MAGI2: variants seen among roughly 807,000 people sequenced by gnomAD.
MAGI2 encodes the protein membrane associated guanylate kinase, WW and PDZ domain containing 2, also known as membrane-associated guanylate kinase, WW and PDZ domain-containing protein 2.
Under a neutral mutation model 133.3 loss-of-function variants are expected in MAGI2, and 35 were observed. The ratio of observed to expected loss-of-function variants is 0.26; its 90% CI spans 0.20 to 0.35. The LOEUF (loss-of-function observed/expected upper bound fraction) is 0.35, where lower values mean the gene tolerates loss of function less well. Ranked by LOEUF, MAGI2 falls within the 10% of genes least tolerant of loss-of-function variation. MAGI2 has a pLI of 1.00. For synonymous variants in MAGI2, 729 were observed against 710.6 expected, an observed-to-expected ratio of 1.03 and a Z score of -0.41; for missense variants, 1,636 against 1,863.4, an observed-to-expected ratio of 0.88 and a Z score of 2.25.
intron 1 of MAGI2, among the ~76,000 whole-genome samples, chr7:79,077,398 T>C (rs1372776386): frequency 6.8e-6 from 1 of 147,506 alleles, no homozygotes; most frequent in African/African-American, 2.5e-5. Flanking sequence ...TCTAATAAAA[T>C]ACAAAAAAAA....
intron 10 of MAGI2, among the ~76,000 whole-genome samples, chr7:78,212,460 A>G (rs557341682): frequency 1.3e-5 from 2 of 152,286 alleles, no homozygotes; most frequent in African/African-American, 4.8e-5. Flanking sequence ...AGCTGCCCTG[A>G]AGATACGGGA....
chr7:79,225,281 C>T (rs1000124052), intron 1 of MAGI2, among the ~76,000 whole-genome samples: 2 of 152,220 alleles, frequency 1.3e-5, no homozygotes, highest in Admixed American at 6.5e-5. Context: ...TTTTTACATC[C>T]GAAAACACTC....
chr7:78,167,768 A>T (rs1225284827), intron 15 of MAGI2, 148 bp downstream of exon 15: 5 of 733,532 alleles, frequency 6.8e-6, no homozygotes, highest in Non-Finnish European at 1.1e-5. Context: ...TTTCAAAATC[A>T]TCATTACTTT....
chr7:78,059,777 A>ATTTT (rs10692094), intron 21 of MAGI2, among the ~76,000 whole-genome samples: 41,472 of 145,774 alleles, frequency 0.28, 6,091 homozygotes, highest in East Asian at 0.37. Flanking sequence ...ATATATATAT[A>ATTTT]TTTTTTTTCT....
At chr7:79,229,831 A>C (rs1415718065) in intron 1 of MAGI2, among the ~76,000 whole-genome samples, 2 of 151,414 alleles carry the variant, frequency 1.3e-5, no homozygotes, top group African/African-American at 4.9e-5. Context: ...TTTAGGGTAC[A>C]TGTGCACATT....
At chr7:78,931,725 A>G (rs963667530) in intron 2 of MAGI2, among the ~76,000 whole-genome samples, 13 of 152,110 alleles carry the variant, frequency 8.5e-5, no homozygotes, top group African/African-American at 2.9e-4. Context: ...AGCCAGAAGA[A>G]TTACTCCTAC....
intron 9 of MAGI2, among the ~76,000 whole-genome samples, chr7:78,269,978 G>A (rs540370211): frequency 4.6e-5 from 7 of 152,186 alleles, no homozygotes; most frequent in South Asian, 2.1e-4. Context: ...TCAGCTTTCT[G>A]CATATGGCTA....
intron 2 of MAGI2, among the ~76,000 whole-genome samples, chr7:78,734,663 G>A (rs977282305): frequency 3.9e-5 from 6 of 152,178 alleles, no homozygotes; most frequent in African/African-American, 1.4e-4. Flanking sequence ...GGTCTTGTAT[G>A]TTTCCGCTTT....
chr7:78,573,365 A>AATATATATATAT (rs58739225), intron 3 of MAGI2, among the ~76,000 whole-genome samples: 416 of 28,974 alleles, frequency 0.014, 30 homozygotes, highest in East Asian at 0.025. Flanking sequence ...GAATCCTGGA[A>AATATATATATAT]ATATATATAT....
chr7:79,146,291 T>C (rs1822611391), intron 1 of MAGI2, among the ~76,000 whole-genome samples: 1 of 152,214 alleles, frequency 6.6e-6, no homozygotes, highest in African/African-American at 2.4e-5. Flanking sequence ...CTTTTTGTGC[T>C]TTGTACCACT....
chr7:78,152,735 G>C (rs1218111132), intron 16 of MAGI2, among the ~76,000 whole-genome samples: 1 of 152,156 alleles, frequency 6.6e-6, no homozygotes, highest in African/African-American at 2.4e-5. Flanking sequence ...TACATGAGGG[G>C]AAAACCAGTA....
intron 2 of MAGI2, among the ~76,000 whole-genome samples, chr7:78,886,822 T>A (rs371247948): frequency 5.9e-5 from 9 of 152,116 alleles, no homozygotes; most frequent in African/African-American, 1.7e-4. Flanking sequence ...AATTACATGG[T>A]GATATGGTTT....
At chr7:78,857,157 G>C (rs536281978) in intron 2 of MAGI2, among the ~76,000 whole-genome samples, 1 of 152,310 alleles carries the variant, frequency 6.6e-6, no homozygotes, top group South Asian at 2.1e-4. Context: ...TTTGGACTGA[G>C]ACAATGGGGT....
intron 2 of MAGI2, among the ~76,000 whole-genome samples, chr7:78,673,293 G>GAC (rs373754911): frequency 6.6e-5 from 10 of 150,904 alleles, no homozygotes; most frequent in Admixed American, 1.3e-4. Context: ...CACACACACA[G>GAC]ACACACACAC....
intron 16 of MAGI2, among the ~76,000 whole-genome samples, chr7:78,143,155 T>C (rs1822938388): frequency 6.6e-6 from 1 of 152,222 alleles, no homozygotes; most frequent in Non-Finnish European, 1.5e-5. Context: ...TAATTTTAGT[T>C]AGTAAAATTG....
intron 1 of MAGI2, among the ~76,000 whole-genome samples, chr7:79,112,080 G>A (rs1310850582): frequency 1.3e-5 from 2 of 151,820 alleles, no homozygotes; most frequent in Non-Finnish European, 2.9e-5. Flanking sequence ...ACACCGAGAG[G>A]TATAGTAACT....
rs1025813061 is a variant in MAGI2 at position 79,126,963 on chromosome 7, A to G, written c.302-119757T>C. Among the ~76,000 whole-genome samples, 49 of 55,142 alleles carry G rather than the reference A, an allele frequency of 8.9e-4. 1 individual carries two copies. The highest frequency in any genetic ancestry group is 3.4e-3 in the African/African-American group (47 of 13,782). The allele number at this position is 55,142 out of a possible 152,430, so 36.2% of individuals were successfully genotyped here. A position where few individuals can be genotyped will look rare whatever the true frequency, so the allele number is the denominator to read the frequency against. ...TAACCCTCCCTCCTCCCCCCACCCC[A>G]CAACAGTCCCCAGAGTGTGATGTTC... On this transcript the variant is annotated intron_variant, in intron 1 of 21. Coordinates refer to ENST00000354212, the MANE Select transcript of MAGI2 (RefSeq NM_012301.4).
chr7:79,295,969 C>T (rs529947543), intron 1 of MAGI2, among the ~76,000 whole-genome samples: 2 of 152,174 alleles, frequency 1.3e-5, no homozygotes, highest in African/African-American at 4.8e-5. Flanking sequence ...ATATGCTGTT[C>T]TAGTGAAAAT....
At chr7:78,189,662 A>G (rs543234608) in intron 12 of MAGI2, among the ~76,000 whole-genome samples, 2 of 152,344 alleles carry the variant, frequency 1.3e-5, no homozygotes, top group Admixed American at 6.5e-5. Flanking sequence ...TTGGGTTTAA[A>G]CCAAGGGACA....
Sources: allele counts gnomAD v4.1 joint callset (sites outside exome capture counted in the v4.1 genomes callset), GRCh38; gene constraint gnomAD v4.1.1; transcripts MANE v1.5; gene names NCBI Gene and HGNC (gene_info 2026-07-23, HGNC 2026-07-21).